The following CDIN1 variants were observed in gnomAD, a reference collection of about 807,000 sequenced individuals.
The protein encoded by CDIN1 is CDAN1-interacting nuclease 1.
CDIN1 carries 33 observed loss-of-function variants against 45.3 expected under a neutral mutation model. That is an observed-to-expected ratio of 0.73 (90% CI 0.55 to 0.97). CDIN1 has a LOEUF of 0.97. CDIN1 is among the 50% of genes least tolerant of loss of function. The pLI, the probability that CDIN1 is intolerant of heterozygous loss-of-function variation, is 0.00. For synonymous variants in CDIN1, 118 were observed against 124.4 expected (o/e 0.95, Z 0.34); for missense variants, 303 against 339.4 (o/e 0.89, Z 0.84).
At position 36,652,874 on chromosome 15, in the gene CDIN1, T is replaced by C. The variant is rs1435428217; in HGVS notation, c.213-1224T>C. On this transcript the variant is annotated intron_variant, in intron 3 of 10. Coordinates refer to ENST00000566621, the MANE Select transcript of CDIN1 (RefSeq NM_001321759.2). The stretch of plus-strand genomic sequence containing the variant: ...AGACCTCACCTGTTGACTTTATTAC[T>C]GTCAGACAAATACCCAGAGCTTATT... Among the ~76,000 whole-genome samples, 6 of 152,234 alleles carry C rather than the reference T, an allele frequency of 3.9e-5. 1 individual carries two copies.
chr15:36,801,403 A>G (rs1333820134), intron 10 of CDIN1, among the ~76,000 whole-genome samples: 2 of 152,160 alleles, frequency 1.3e-5, no homozygotes, highest in Admixed American at 6.5e-5. Flanking sequence ...AAGCCAAGTT[A>G]ATGGCACAAA....
chr15:36,636,031 T>C (rs992564087), intron 1 of CDIN1, among the ~76,000 whole-genome samples: 3 of 151,960 alleles, frequency 2.0e-5, no homozygotes, highest in African/African-American at 7.3e-5. Context: ...AAAAGCAATG[T>C]TGAAGAAATT....
At chr15:36,735,228 T>C (rs150574077) in intron 10 of CDIN1, among the ~76,000 whole-genome samples, 311 of 152,322 alleles carry the variant, frequency 2.0e-3, no homozygotes, top group African/African-American at 6.2e-3. Flanking sequence ...CATGTTATTC[T>C]TTCAATATGA....
chr15:36,716,292 A>G (rs994842060), intron 10 of CDIN1, among the ~76,000 whole-genome samples: 1 of 152,182 alleles, frequency 6.6e-6, no homozygotes, highest in African/African-American at 2.4e-5. Flanking sequence ...TGAGTCATGT[A>G]TAGCTCAGAA....
chr15:36,618,409 G>T lies in CDIN1; in HGVS notation c.102-25869G>T, dbSNP rs1340608369. ...CAGATGGAACAAAATGGGGACTATG[G>T]TAGGGGCAGGAGAACTCTTTTCAGA... On this transcript the variant is annotated intron_variant, in intron 1 of 10. Coordinates refer to ENST00000566621, the MANE Select transcript of CDIN1 (RefSeq NM_001321759.2). The T allele has an allele frequency of 2.8e-5, 21 of 743,560 alleles. No individual in the cohort carries two copies. The African/African-American group carries it at 3.3e-4, about 12-fold the overall frequency. The allele number at this position is 743,560 out of a possible 1,614,324, so 46.1% of individuals were successfully genotyped here.
chr15:36,724,852 G>A (rs572814388), intron 10 of CDIN1, among the ~76,000 whole-genome samples: 1 of 152,110 alleles, frequency 6.6e-6, no homozygotes. Context: ...TGATTATTCA[G>A]GGTATTGATA....
At chr15:36,776,405 T>C (rs929328986) in intron 10 of CDIN1, among the ~76,000 whole-genome samples, 2 of 152,212 alleles carry the variant, frequency 1.3e-5, no homozygotes, top group Non-Finnish European at 2.9e-5. Context: ...ACTGAGCACC[T>C]ACCGTGTTGA....
chr15:36,582,451 C>T (rs891329881), intron 1 of CDIN1, among the ~76,000 whole-genome samples: 8 of 152,138 alleles, frequency 5.3e-5, no homozygotes, highest in African/African-American at 1.7e-4. Flanking sequence ...TTTTCCTGCA[C>T]GTGTGTGGCA....
intron 10 of CDIN1, among the ~76,000 whole-genome samples, chr15:36,766,463 T>C (rs1595572553): frequency 1.5e-5 from 2 of 134,338 alleles, no homozygotes; most frequent in South Asian, 2.2e-4. Context: ...GCATTTTTAA[T>C]TTTTTGAGGA....
intron 10 of CDIN1, among the ~76,000 whole-genome samples, chr15:36,740,571 A>T (rs1045169608): frequency 6.6e-6 from 1 of 152,132 alleles, no homozygotes. Flanking sequence ...AAATCTCGTA[A>T]TTCTTCAAAT....
intron 10 of CDIN1, among the ~76,000 whole-genome samples, chr15:36,781,079 G>C (rs575128677): frequency 6.6e-6 from 1 of 152,082 alleles, no homozygotes; most frequent in Non-Finnish European, 1.5e-5. Context: ...ATAATTACAA[G>C]ATAAATAAAC....
chr15:36,792,754 G>C (rs2054678779), intron 10 of CDIN1, among the ~76,000 whole-genome samples: 1 of 152,066 alleles, frequency 6.6e-6, no homozygotes, highest in Non-Finnish European at 1.5e-5. Context: ...GAGTATTTGG[G>C]TTTCAAGAAA....
chr15:36,780,812 G>A (rs775406275), intron 10 of CDIN1, among the ~76,000 whole-genome samples: 4 of 152,286 alleles, frequency 2.6e-5, no homozygotes, highest in Admixed American at 6.5e-5. Context: ...GAACTAGTAA[G>A]TGGCCGAGCT....
rs996492406 is a variant in CDIN1, at chr15:36,805,358, C to T, written c.717-2966C>T. ...GGCTGCAATCTCAGTAGCAGACCAA[C>T]CTCTGCTGTGCATATCTCCTCAGAC... On this transcript the variant is annotated intron_variant, in intron 10 of 10. Transcript: ENST00000566621. Among the ~76,000 whole-genome samples, 2 of 152,174 alleles carry T rather than the reference C, an allele frequency of 1.3e-5. 1 individual carries two copies. The highest frequency in any genetic ancestry group is 1.3e-4 in the Admixed American group (2 of 15,282).
At chr15:36,654,413 G>T (rs1249175408) in intron 4 of CDIN1, among the ~76,000 whole-genome samples, 1 of 150,366 alleles carries the variant, frequency 6.7e-6, no homozygotes. Flanking sequence ...TTCTTATTTT[G>T]TGGAAAATTT....
chr15:36,657,790 G>T (rs566962772), intron 4 of CDIN1, 43 bp from the exon 5 acceptor site: 13 of 1,509,260 alleles, frequency 8.6e-6, no homozygotes, highest in Middle Eastern at 3.4e-4. Flanking sequence ...TCCACTGCTC[G>T]CACAACTTGA....
At chr15:36,808,165 T>G (rs1429858119) in intron 10 of CDIN1, among the ~76,000 whole-genome samples, 159 bp from the exon 11 acceptor site, 1 of 152,116 alleles carries the variant, frequency 6.6e-6, no homozygotes, top group Non-Finnish European at 1.5e-5. Context: ...TGTGAACTCT[T>G]TGGTATAAGT....
intron 1 of CDIN1, among the ~76,000 whole-genome samples, chr15:36,612,915 A>T (rs1566832891): frequency 6.6e-6 from 1 of 152,216 alleles, no homozygotes; most frequent in Non-Finnish European, 1.5e-5. Context: ...GATATCTCTT[A>T]AAAAGGTAAC....
intron 10 of CDIN1, among the ~76,000 whole-genome samples, chr15:36,798,001 C>A: frequency 2.8e-5 from 3 of 106,762 alleles, no homozygotes; most frequent in East Asian, 2.7e-4. Context: ...GACTTTCCTT[C>A]ATTATATAGT....
Sources: allele counts gnomAD v4.1 joint callset (sites outside exome capture counted in the v4.1 genomes callset), GRCh38; gene constraint gnomAD v4.1.1; transcripts MANE v1.5; gene names NCBI Gene and HGNC (gene_info 2026-07-23, HGNC 2026-07-21).